Variants in SEMA5B observed in about 807,000 individuals in gnomAD.
SEMA5B encodes semaphorin 5B.
SEMA5B carries 66 observed loss-of-function variants against 135.0 expected under a neutral mutation model. That is an observed-to-expected ratio of 0.49 (90% CI 0.40 to 0.60). The LOEUF (loss-of-function observed/expected upper bound fraction) is 0.60, where lower values mean the gene tolerates loss of function less well. Among genes scored for constraint, SEMA5B ranks in the 20% least tolerant of loss-of-function variants. SEMA5B has a pLI of 0.00. For missense variants in SEMA5B, 1,501 were observed against 1,566.3 expected (o/e 0.96, Z 0.70); for synonymous variants, 690 against 639.5 (o/e 1.08, Z -1.19).
intron 1 of SEMA5B, among the ~76,000 whole-genome samples, chr3:122,986,786 C>T (rs1941714993): frequency 6.6e-6 from 1 of 152,194 alleles, no homozygotes; most frequent in African/African-American, 2.4e-5. Context: ...GAAGTTAACC[C>T]TATAACCCTG....
intron 1 of SEMA5B, among the ~76,000 whole-genome samples, chr3:122,977,519 T>C (rs1177129433): frequency 2.0e-5 from 3 of 152,138 alleles, no homozygotes; most frequent in Non-Finnish European, 4.4e-5. Flanking sequence ...AGCATCAGGA[T>C]CAGAACCCTC....
rs117301797 is a variant in SEMA5B, at chr3:122,951,928, C to T, written c.125-3219G>A. ...CTTTTTTCCTGCCTAAGTTTCTTCACGTGTGTGTGAAATGGAATAATACCC... is the reference window on the plus strand; with the variant it reads ...CTTTTTTCCTGCCTAAGTTTCTTCATGTGTGTGTGAAATGGAATAATACCC... On this transcript the variant is annotated intron_variant, in intron 2 of 22. Transcript: ENST00000357599. Among the ~76,000 whole-genome samples the T allele has an allele frequency of 1.9e-3, 282 of 152,318 alleles. No homozygotes were observed. The East Asian group carries it at 0.021, about 11-fold the overall frequency.
intron 12 of SEMA5B, among the ~76,000 whole-genome samples, chr3:122,918,487 C>T (rs1215435787): frequency 6.6e-6 from 1 of 152,236 alleles, no homozygotes. Flanking sequence ...TGGTTGAGAA[C>T]TGCTGTGCCA....
intron 2 of SEMA5B, among the ~76,000 whole-genome samples, chr3:122,957,420 C>T (rs1026550852): frequency 4.6e-5 from 7 of 152,226 alleles, no homozygotes; most frequent in African/African-American, 7.2e-5. Flanking sequence ...GGCTGGAAGC[C>T]GTGTGGCCCA....
chr3:122,932,983 G>C (rs915619463), intron 5 of SEMA5B, among the ~76,000 whole-genome samples: 1 of 152,094 alleles, frequency 6.6e-6, no homozygotes, highest in Non-Finnish European at 1.5e-5. Flanking sequence ...GCCTCCCAAA[G>C]TGCTGGGATT....
intron 1 of SEMA5B, among the ~76,000 whole-genome samples, chr3:123,016,884 A>G (rs1942571025): frequency 6.9e-6 from 1 of 143,964 alleles, no homozygotes; most frequent in Admixed American, 6.9e-5. Flanking sequence ...GCCTGGCCTC[A>G]GGTGCATTTT....
chr3:122,947,002 G>A (rs978681449), intron 3 of SEMA5B, among the ~76,000 whole-genome samples: 2 of 151,890 alleles, frequency 1.3e-5, no homozygotes, highest in Admixed American at 6.6e-5. Context: ...CTGATTGGTC[G>A]GGAGACAGGG....
chr3:123,028,036 G>C (rs1942848258), upstream of SEMA5B, among the ~76,000 whole-genome samples: 1 of 152,150 alleles, frequency 6.6e-6, no homozygotes, highest in African/African-American at 2.4e-5. Flanking sequence ...CATTCCGGCG[G>C]CAAGACCTAG....
rs1938417507 is a variant in SEMA5B, at chr3:122,922,514, C to T, written c.1273-67G>A. On this transcript the variant is annotated intron_variant, in intron 10 of 22. Transcript: ENST00000357599. ...GCTGCCGCCATCCCCCGCCGGCTCC[C>T]TCCTCCTGGCAACCCAGGTGGCCAC... is the stretch of plus-strand genomic sequence containing the variant. 4 of 1,445,938 alleles carry T rather than the reference C, an allele frequency of 2.8e-6. 1 individual carries two copies. In the South Asian group the frequency reaches 3.8e-5, roughly 14 times the overall value. The allele number at this position is 1,445,938 out of a possible 1,614,324, so 89.6% of individuals were successfully genotyped here.
At chr3:123,011,668 G>A (rs1377854246) in intron 1 of SEMA5B, among the ~76,000 whole-genome samples, 1 of 152,174 alleles carries the variant, frequency 6.6e-6, no homozygotes, top group Non-Finnish European at 1.5e-5. Context: ...AGTGAGCCCA[G>A]GACACACGCT....
intron 12 of SEMA5B, among the ~76,000 whole-genome samples, chr3:122,921,708 T>G (rs1305968086): frequency 6.6e-6 from 1 of 152,258 alleles, no homozygotes. Context: ...AAGTGCTTTA[T>G]GGAGATTATC....
chr3:122,999,520 C>T (rs190913426), intron 1 of SEMA5B, among the ~76,000 whole-genome samples: 2 of 151,468 alleles, frequency 1.3e-5, no homozygotes, highest in Non-Finnish European at 2.9e-5. Context: ...CCACCATGCC[C>T]GGCCTTAAGT....
rs748667509 is a variant in SEMA5B at position 122,910,261 on chromosome 3, T to C, written c.3338A>G (p.Asn1113Ser). The change falls in exon 23 of 23, where the codon AAC (asparagine) becomes AGC (serine). Residue 1113 changes from asparagine (N) to serine (S), a missense_variant. Physicochemically the swap from Asn to Ser is conservative, Grantham distance 46 (BLOSUM62 1). Around this residue, in one of 2 missense-constraint regions of SEMA5B, gnomAD observed 927 missense variants for 881.6 expected, o/e 1.05. Coordinates refer to ENST00000357599, the MANE Select transcript of SEMA5B (RefSeq NM_001031702.4). The stretch of plus-strand genomic sequence containing the variant: ...ATTGGTCTGCTGCAATGGGTAGAAG[T>C]TGGCTCTGTCATCAGGGATCAAGTT... ...KNNLIPDDRANFYPLQQTNVY... is the reference protein window; with the variant it reads ...KNNLIPDDRASFYPLQQTNVY... 1 of 1,614,170 alleles carries C rather than the reference T, an allele frequency of 6.2e-7. No individual in the cohort carries two copies. The highest frequency in any genetic ancestry group is 8.5e-7 in the Non-Finnish European group (1 of 1,180,018).
chr3:122,922,564 A>G (rs13072180), intron 10 of SEMA5B, 117 bp from the exon 11 acceptor site: 65,814 of 891,946 alleles, frequency 0.074, 2,779 homozygotes, highest in Non-Finnish European at 0.081. Context: ...ATTCTCCAGC[A>G]CCCCCCACCC....
intron 1 of SEMA5B, among the ~76,000 whole-genome samples, chr3:122,987,064 G>A (rs1184938644): frequency 3.9e-5 from 6 of 152,146 alleles, no homozygotes; most frequent in Non-Finnish European, 7.4e-5. Flanking sequence ...GTCTCAGCTG[G>A]GGCTGGGCCC....
At chr3:122,969,348 T>C (rs1941014639) in intron 1 of SEMA5B, among the ~76,000 whole-genome samples, 2 of 152,280 alleles carry the variant, frequency 1.3e-5, no homozygotes, top group South Asian at 2.1e-4. Context: ...GAAGGTGCTC[T>C]CTCCTGGCTG....
intron 9 of SEMA5B, among the ~76,000 whole-genome samples, chr3:122,926,187 T>C (rs1273054623): frequency 6.6e-6 from 1 of 152,240 alleles, no homozygotes; most frequent in Non-Finnish European, 1.5e-5. Flanking sequence ...ATTTATTTGC[T>C]TTATTCATCT....
At chr3:122,915,412 A>T in intron 14 of SEMA5B, 28 bp downstream of exon 14, 2 of 1,577,148 alleles carry the variant, frequency 1.3e-6, no homozygotes, top group Non-Finnish European at 1.7e-6. Context: ...TCCAAGGCAG[A>T]CACCATGTAA....
intron 1 of SEMA5B, among the ~76,000 whole-genome samples, chr3:122,973,205 AC>A (rs1941192564): frequency 6.6e-6 from 1 of 152,090 alleles, no homozygotes; most frequent in East Asian, 1.9e-4. Flanking sequence ...TGAGCCCCTG[AC>A]TCCAGCCTGT....
Sources: allele counts gnomAD v4.1 joint callset (sites outside exome capture counted in the v4.1 genomes callset), GRCh38; gene constraint gnomAD v4.1.1; regional missense constraint gnomAD v4.1.1; transcripts MANE v1.5; gene names NCBI Gene and HGNC (gene_info 2026-07-23, HGNC 2026-07-21).